The following TNPO1 variants were observed in gnomAD, a reference collection of about 807,000 sequenced individuals.
TNPO1 encodes the protein transportin 1.
Under a neutral mutation model 119.5 loss-of-function variants are expected in TNPO1, and 8 were observed. That is an observed-to-expected ratio of 0.07 (90% CI 0.04 to 0.12). TNPO1 has a LOEUF of 0.12. Ranked by LOEUF, TNPO1 falls within the 10% of genes least tolerant of loss-of-function variation. TNPO1 has a pLI of 1.00. For missense variants in TNPO1, 576 were observed against 1,089.8 expected (o/e 0.53, Z 6.64); for synonymous variants, 362 against 363.0 (o/e 1.00, Z 0.03).
chr5:72,886,641 G>T (rs1289221613), intron 11 of TNPO1, among the ~76,000 whole-genome samples: 2 of 152,086 alleles, frequency 1.3e-5, no homozygotes, highest in Admixed American at 1.3e-4. Flanking sequence ...GCTCACACCT[G>T]TAATCCCAGC....
At chr5:72,843,873 C>A (rs1745019472) in intron 1 of TNPO1, among the ~76,000 whole-genome samples, 1 of 152,156 alleles carries the variant, frequency 6.6e-6, no homozygotes, top group Non-Finnish European at 1.5e-5. Context: ...TCTCTCTTTT[C>A]CTATTGTACT....
At chr5:72,852,275 T>A (rs552901735) in intron 3 of TNPO1, among the ~76,000 whole-genome samples, 1 of 152,218 alleles carries the variant, frequency 6.6e-6, no homozygotes, top group Non-Finnish European at 1.5e-5. Context: ...TTTGATTATT[T>A]CTAATAATAT....
At chr5:72,902,288 GT>G (rs926575801) in intron 22 of TNPO1, among the ~76,000 whole-genome samples, 2 of 151,992 alleles carry the variant, frequency 1.3e-5, no homozygotes, top group African/African-American at 4.8e-5. Flanking sequence ...TTCCTAGCTC[GT>G]ATTGTGGTTT....
chr5:72,855,685 CTT>C, intron 3 of TNPO1, 87 bp from the exon 4 acceptor site: 1 of 1,122,354 alleles, frequency 8.9e-7, no homozygotes, highest in South Asian at 1.6e-5. Flanking sequence ...TGTCAATCAA[CTT>C]TTGAATATAA....
chr5:72,865,767 AT>A, intron 6 of TNPO1, 38 bp downstream of exon 6: 1 of 1,576,432 alleles, frequency 6.3e-7, no homozygotes, highest in Non-Finnish European at 8.6e-7. Flanking sequence ...TAACTGTGAT[AT>A]AAACCTGACC....
chr5:72,875,771 C>T (rs914278521), intron 8 of TNPO1, 34 bp downstream of exon 8: 2 of 1,582,014 alleles, frequency 1.3e-6, no homozygotes, highest in Non-Finnish European at 1.7e-6. Flanking sequence ...CTTTCATCAT[C>T]TTTCCCCTAA....
intron 4 of TNPO1, among the ~76,000 whole-genome samples, chr5:72,860,289 A>AT (rs1269010909): frequency 1.3e-5 from 2 of 151,864 alleles, no homozygotes; most frequent in African/African-American, 2.4e-5. Context: ...TTCTTTTTTC[A>AT]TTTTTGTACA....
chr5:72,875,218 A>G (rs1402313759), intron 7 of TNPO1, among the ~76,000 whole-genome samples: 1 of 152,190 alleles, frequency 6.6e-6, no homozygotes, highest in Non-Finnish European at 1.5e-5. Context: ...ATATTTGTCG[A>G]TTATTGAATC....
intron 23 of TNPO1, among the ~76,000 whole-genome samples, chr5:72,904,575 C>T (rs567622058): frequency 6.6e-6 from 1 of 152,276 alleles, no homozygotes; most frequent in Non-Finnish European, 1.5e-5. Flanking sequence ...GCAGGTGGAT[C>T]ACCTGAGGTC....
At chr5:72,853,954 T>A (rs1745790184) in intron 3 of TNPO1, among the ~76,000 whole-genome samples, 1 of 152,240 alleles carries the variant, frequency 6.6e-6, no homozygotes, top group Admixed American at 6.5e-5. Context: ...TTGAATTTTT[T>A]AAATGGATTT....
Position 72,888,309 on chromosome 5 carries a change from A to G in TNPO1, c.1529+6A>G, listed in dbSNP as rs766611322. The G allele has an allele frequency of 9.3e-6, 15 of 1,610,674 alleles. No individual in the cohort carries two copies. The highest frequency in any genetic ancestry group is 3.3e-4 in the Middle Eastern group (2 of 6,058). ...GTACAAGAAGCTGCCTGCAGGTGGG[A>G]CAGATTCATAACACAGTGTTCTTTG... On this transcript the variant is annotated splice_donor_region_variant and intron_variant, in intron 13 of 24. Coordinates refer to ENST00000337273, the MANE Select transcript of TNPO1 (RefSeq NM_002270.4).
rs1044735456 is a variant in TNPO1, at chr5:72,893,692, A to T, written c.2132A>T (p.Lys711Met). The change falls in exon 18 of 25, where the codon AAG becomes ATG. Residue 711 changes from lysine to methionine, a missense_variant. Physicochemically the swap from Lys to Met is moderately conservative, Grantham distance 95. Transcript: ENST00000337273. ...DLTKACFQHV[K>M]PCIADFMPIL... ...ACAAAAGCTTGCTTTCAGCATGTTA[A>T]GCCTTGTATAGGTATGAATATTTTC... 5 of 1,614,088 alleles carry T rather than the reference A, an allele frequency of 3.1e-6. No individual in the cohort carries two copies. The highest frequency in any genetic ancestry group is 1.7e-6 in the Non-Finnish European group (2 of 1,179,962).
Position 72,896,472 on chromosome 5 carries a change from A to T in TNPO1, c.2158A>T (p.Ile720Leu). ...TTTTTTTCTAGCTGATTTCATGCCAATATTGGGAACCAACCTAAATCCAGA... is the reference window on the plus strand; with the variant it reads ...TTTTTTTCTAGCTGATTTCATGCCATTATTGGGAACCAACCTAAATCCAGA... ...VKPCIADFMP[I>L]LGTNLNPEFI... The change falls in exon 19 of 25, where the codon ATA becomes TTA. Residue 720 changes from isoleucine to leucine, a missense_variant. By Grantham distance (5) the Ile-to-Leu change is conservative (BLOSUM62 2). Coordinates refer to ENST00000337273, the MANE Select transcript of TNPO1 (RefSeq NM_002270.4). 6.2e-7 allele frequency: 1 copy of T among 1,612,228 alleles called. No individual in the cohort carries two copies. The highest frequency in any genetic ancestry group is 8.5e-7 in the Non-Finnish European group (1 of 1,179,566).
chr5:72,876,255 G>A (rs542656367), intron 8 of TNPO1, among the ~76,000 whole-genome samples: 72 of 152,192 alleles, frequency 4.7e-4, no homozygotes, highest in South Asian at 2.5e-3. Flanking sequence ...AGTAGGACAT[G>A]ATGTATCATG....
intron 7 of TNPO1, among the ~76,000 whole-genome samples, chr5:72,873,695 G>A (rs1747568476): frequency 6.6e-6 from 1 of 152,056 alleles, no homozygotes; most frequent in East Asian, 1.9e-4. Flanking sequence ...CTAGAGGTCT[G>A]GAGTAGACTA....
chr5:72,889,459 T>TATTC (rs1198937217), intron 13 of TNPO1, among the ~76,000 whole-genome samples: 1 of 152,192 alleles, frequency 6.6e-6, no homozygotes, highest in Non-Finnish European at 1.5e-5. Context: ...TCCTATAATT[T>TATTC]ATTCATTCAG....
chr5:72,855,009 T>C (rs1201427948), intron 3 of TNPO1, among the ~76,000 whole-genome samples: 1 of 152,156 alleles, frequency 6.6e-6, no homozygotes, highest in Non-Finnish European at 1.5e-5. Context: ...TTTTTTGTTT[T>C]TGAGACAGTC....
At chr5:72,864,591 T>C (rs1271598512) in intron 5 of TNPO1, among the ~76,000 whole-genome samples, 4 of 151,576 alleles carry the variant, frequency 2.6e-5, no homozygotes, top group African/African-American at 9.7e-5. Context: ...GTAACTTTTT[T>C]TTTCTATATG....
At chr5:72,823,648 C>A (rs1034908943) in intron 1 of TNPO1, among the ~76,000 whole-genome samples, 5 of 152,208 alleles carry the variant, frequency 3.3e-5, no homozygotes, top group Admixed American at 2.6e-4. Context: ...ATTTACTCAT[C>A]TAAATTTCAT....
Sources: allele counts gnomAD v4.1 joint callset (sites outside exome capture counted in the v4.1 genomes callset), GRCh38; gene constraint gnomAD v4.1.1; transcripts MANE v1.5; gene names NCBI Gene and HGNC (gene_info 2026-07-23, HGNC 2026-07-21).